RORA: variants seen among roughly 807,000 people sequenced by gnomAD.
RORA encodes the protein nuclear receptor ROR-alpha.
Under a neutral mutation model 69.5 loss-of-function variants are expected in RORA, and 7 were observed. The observed-to-expected ratio is 0.10, with a 90% confidence interval of 0.06 to 0.19. The LOEUF is 0.19. Among genes scored for constraint, RORA ranks in the 10% least tolerant of loss-of-function variants. RORA has a pLI of 1.00. For missense variants in RORA, 457 were observed against 663.0 expected (o/e 0.69, Z 3.41); for synonymous variants, 261 against 240.8 (o/e 1.08, Z -0.78).
intron 1 of RORA, among the ~76,000 whole-genome samples, chr15:60,741,925 C>A (rs2071580362): frequency 6.6e-6 from 1 of 152,172 alleles, no homozygotes; most frequent in East Asian, 1.9e-4. Context: ...ACATGCCACT[C>A]CCTGCCAAGC....
chr15:60,545,372 G>T (rs554505160), intron 2 of RORA, among the ~76,000 whole-genome samples: 6 of 152,264 alleles, frequency 3.9e-5, no homozygotes, highest in Admixed American at 2.6e-4. Context: ...TTTAAACTAT[G>T]TCACAAAGAT....
chr15:60,893,241 C>A (rs996631852), intron 1 of RORA, among the ~76,000 whole-genome samples: 2 of 152,202 alleles, frequency 1.3e-5, no homozygotes, highest in African/African-American at 4.8e-5. Flanking sequence ...ATTCCCCAAA[C>A]CCCCTATCCC....
chr15:60,688,084 AC>A (rs1016556216), intron 1 of RORA, among the ~76,000 whole-genome samples: 2 of 152,228 alleles, frequency 1.3e-5, no homozygotes, highest in Admixed American at 1.3e-4. Context: ...TCAAGGGAAC[AC>A]CCAAATATTA....
intron 2 of RORA, among the ~76,000 whole-genome samples, chr15:60,533,231 C>T (rs920202): frequency 0.95 from 145,077 of 152,294 alleles, 69,539 homozygotes; most frequent in Non-Finnish European, 1. Context: ...AGCTATCCAT[C>T]ATTTTTTTAG....
chr15:61,187,057 G>A (rs1350317774), intron 1 of RORA, among the ~76,000 whole-genome samples: 1 of 152,250 alleles, frequency 6.6e-6, no homozygotes, highest in Admixed American at 6.5e-5. Flanking sequence ...CCAATTAGAA[G>A]TGTGGAGAAA....
At chr15:61,020,581 G>C (rs1402196754) in intron 1 of RORA, among the ~76,000 whole-genome samples, 1 of 152,120 alleles carries the variant, frequency 6.6e-6, no homozygotes, top group Non-Finnish European at 1.5e-5. Context: ...CTCCAATCCA[G>C]ATGCTTCCAA....
chr15:60,973,745 T>C (rs1018895444), intron 1 of RORA, among the ~76,000 whole-genome samples: 3 of 152,212 alleles, frequency 2.0e-5, no homozygotes, highest in Admixed American at 6.5e-5. Context: ...AAAACTCACC[T>C]TGGCACTCAA....
chr15:61,155,030 C>A (rs1489554010), intron 1 of RORA, among the ~76,000 whole-genome samples: 1 of 152,080 alleles, frequency 6.6e-6, no homozygotes, highest in Non-Finnish European at 1.5e-5. Context: ...TTCTAATATA[C>A]AGTATGGTGA....
rs534639145 is a variant in RORA at position 60,631,602 on chromosome 15, C to T, written c.196+47055G>A. Among the ~76,000 whole-genome samples, 20 of 152,168 alleles carry T rather than the reference C, an allele frequency of 1.3e-4. No homozygotes were observed. In the South Asian group the frequency reaches 3.7e-3, roughly 28 times the overall value. On this transcript the variant is annotated intron_variant, in intron 2 of 10. Coordinates refer to ENST00000335670, the MANE Select transcript of RORA (RefSeq NM_134261.3). ...TTTGTTTTGCAGTAAGGTGGGGGAA[C>T]TCTACCTTTGCCAGGTAGAATACTG...
chr15:61,122,008 T>A (rs190174726), intron 1 of RORA, among the ~76,000 whole-genome samples: 52 of 152,318 alleles, frequency 3.4e-4, no homozygotes, highest in African/African-American at 1.2e-3. Flanking sequence ...GGATAAAGGC[T>A]AATACTGCTT....
chr15:60,591,794 G>A (rs1250301549), intron 2 of RORA, among the ~76,000 whole-genome samples: 2 of 151,900 alleles, frequency 1.3e-5, no homozygotes, highest in Admixed American at 1.3e-4. Flanking sequence ...AGTGGCCGCG[G>A]CGGGACACAG....
At chr15:61,170,178 G>A (rs2079573212) in intron 1 of RORA, among the ~76,000 whole-genome samples, 1 of 152,122 alleles carries the variant, frequency 6.6e-6, no homozygotes, top group Non-Finnish European at 1.5e-5. Flanking sequence ...TAAATGCAGT[G>A]GCTTAAATCA....
In RORA at chr15:60,724,523, A is replaced by C. The variant is rs1208785346; in HGVS notation, c.167-45837T>G. Among the ~76,000 whole-genome samples, 4 of 152,168 alleles carry C rather than the reference A, an allele frequency of 2.6e-5. No individual in the cohort carries two copies. In the East Asian group the frequency reaches 7.7e-4, roughly 29 times the overall value. ...TCTCCAGGTCTCCTGATGGGACAGA[A>C]GCCCATTGCTTCCTGCTCGGACTCA... On this transcript the variant is annotated intron_variant, in intron 1 of 10. Transcript: ENST00000335670.
intron 1 of RORA, among the ~76,000 whole-genome samples, chr15:60,883,180 GAGAA>G (rs1555459960): frequency 0.032 from 3,612 of 113,924 alleles, 93 homozygotes; most frequent in Middle Eastern, 0.078. Context: ...GAGAGAGAGA[GAGAA>G]AGAAAGAAAA....
At position 60,491,836 on chromosome 15, in the gene RORA, C is replaced by G. The variant is rs1006857343; in HGVS notation, c.*5619G>C. On this transcript the variant is annotated 3_prime_UTR_variant, in exon 11 of 11. Transcript: ENST00000335670. The stretch of plus-strand genomic sequence containing the variant: ...TCTCTATAATACAATCTGATGGAAC[C>G]TCTTTACTAACATTATGTTTAGGGA... The G allele has an allele frequency of 1.3e-5, 2 of 151,984 alleles. No individual in the cohort carries two copies. The highest frequency in any genetic ancestry group is 2.9e-5 in the Non-Finnish European group (2 of 67,998). 9.4% of individuals were successfully genotyped at this position (151,984 alleles called of 1,614,324 possible). A position where few individuals can be genotyped will look rare whatever the true frequency, so the allele number is the denominator to read the frequency against.
At chr15:60,808,544 A>G (rs1285128327) in intron 1 of RORA, among the ~76,000 whole-genome samples, 1 of 152,114 alleles carries the variant, frequency 6.6e-6, no homozygotes, top group African/African-American at 2.4e-5. Context: ...CATTTGATCC[A>G]GCAATCCTAC....
chr15:61,140,333 G>A lies in RORA; in HGVS notation c.166+88720C>T, dbSNP rs369560729. Reference sequence around the variant, plus strand: ...GTAGGTTAAGGAATTATGTTGCCTGGTAGGGATACTTAACATACCAGCACC... The same window carrying A: ...GTAGGTTAAGGAATTATGTTGCCTGATAGGGATACTTAACATACCAGCACC... On this transcript the variant is annotated intron_variant, in intron 1 of 10. Transcript: ENST00000335670. 2.9e-3 allele frequency among the ~76,000 whole-genome samples: 441 copies of A among 152,262 alleles called. 3 individuals carry two copies. Among genetic ancestry groups the A allele is most frequent in the Non-Finnish European group, 5.0e-3 (343 of 68,018 alleles).
chr15:60,752,024 G>A (rs2071730077), intron 1 of RORA, among the ~76,000 whole-genome samples: 1 of 152,042 alleles, frequency 6.6e-6, no homozygotes, highest in Non-Finnish European at 1.5e-5. Flanking sequence ...TCACTTGAGA[G>A]AAGGGCCATC....
chr15:60,963,608 C>T (rs1015326905), intron 1 of RORA, among the ~76,000 whole-genome samples: 2 of 152,200 alleles, frequency 1.3e-5, no homozygotes, highest in African/African-American at 4.8e-5. Context: ...CCTTGCATTC[C>T]TCTGCTCCTG....
Sources: gnomAD v4.1 joint callset for allele counts (sites outside exome capture counted in the v4.1 genomes callset) on GRCh38, gnomAD v4.1.1 for gene constraint, MANE v1.5 for transcripts, NCBI Gene and HGNC (gene_info 2026-07-23, HGNC 2026-07-21) for gene names.